The following NFASC variants were observed in gnomAD, a reference collection of about 807,000 sequenced individuals.
NFASC encodes neurofascin, also known as neurofascin homolog.
In NFASC, 43 loss-of-function variants were observed where a neutral mutation model predicts 147.5. The observed-to-expected ratio is 0.29, with a 90% CI of 0.23 to 0.38. The LOEUF is 0.38. NFASC is among the 10% of genes least tolerant of loss of function. The pLI is 1.00. For synonymous variants in NFASC, 622 were observed against 665.5 expected (o/e 0.93, Z 1.01); for missense variants, 1,320 against 1,689.0 (o/e 0.78, Z 3.83).
Position 204,867,732 on chromosome 1 carries a change from C to T in NFASC, c.-200+38950C>T, listed in dbSNP as rs149217622. 5.1e-3 allele frequency among the ~76,000 whole-genome samples: 773 copies of T among 152,292 alleles called. 6 individuals carry two copies. The highest frequency in any genetic ancestry group is 0.018 in the African/African-American group (733 of 41,556). Reference sequence around the variant, plus strand: ...TCCCCAGAGACACACATGCTATCTGCGCACTCATGGTCACACGCTCATGCA... The same window carrying T: ...TCCCCAGAGACACACATGCTATCTGTGCACTCATGGTCACACGCTCATGCA... On this transcript the variant is annotated intron_variant, in intron 1 of 29. Coordinates refer to ENST00000339876, the MANE Select transcript of NFASC (RefSeq NM_001005388.3).
At chr1:204,890,785 G>A (rs2082235066) in intron 1 of NFASC, among the ~76,000 whole-genome samples, 1 of 152,076 alleles carries the variant, frequency 6.6e-6, no homozygotes, top group African/African-American at 2.4e-5. Context: ...GGCCAGGCTG[G>A]TTTCTAACTT....
intron 22 of NFASC, among the ~76,000 whole-genome samples, chr1:204,988,002 A>C (rs1156587267): frequency 2.0e-5 from 3 of 152,234 alleles, no homozygotes; most frequent in Non-Finnish European, 2.9e-5. Context: ...GGTGACCCGA[A>C]TCAGGAGCCT....
At chr1:204,908,769 A>G (rs1200302559) in intron 1 of NFASC, among the ~76,000 whole-genome samples, 1 of 152,152 alleles carries the variant, frequency 6.6e-6, no homozygotes, top group Admixed American at 6.6e-5. Flanking sequence ...CATTTCTCCT[A>G]TATAAATATA....
In NFASC at chr1:204,979,471, CAACT is replaced by C; in HGVS notation, c.2090_2093del (p.Asn697ThrfsTer37). ...CCGTCCTCCGGCTGTCCCCGTATGT[CAACT>C]ACCAGTTCCGTGTCATTGCCATCAA... On this transcript the variant is annotated frameshift_variant, in exon 19 of 30. Coordinates refer to ENST00000339876, the MANE Select transcript of NFASC (RefSeq NM_001005388.3). LOFTEE classifies it high-confidence loss of function. The surrounding 1 kb of genome is among the most constrained non-coding windows in gnomAD (Gnocchi z 6.0). 1 of 1,614,030 alleles carries C rather than the reference CAACT, an allele frequency of 6.2e-7. No homozygotes were observed. Among genetic ancestry groups the C allele is most frequent in the Non-Finnish European group, 8.5e-7 (1 of 1,180,030 alleles).
At chr1:204,955,542 A>C (rs925677454) in intron 7 of NFASC, among the ~76,000 whole-genome samples, 1 of 152,228 alleles carries the variant, frequency 6.6e-6, no homozygotes, top group South Asian at 2.1e-4. Context: ...GGGTATCTGC[A>C]GCAGGGACAG....
chr1:204,877,663 T>A (rs1037793662), intron 1 of NFASC, among the ~76,000 whole-genome samples: 1 of 152,126 alleles, frequency 6.6e-6, no homozygotes, highest in African/African-American at 2.4e-5. Flanking sequence ...TAGGCTTCTG[T>A]TTTTATTTAT....
chr1:204,992,761 G>A (rs1255645172), intron 24 of NFASC, among the ~76,000 whole-genome samples: 1 of 152,180 alleles, frequency 6.6e-6, no homozygotes, highest in Non-Finnish European at 1.5e-5. Context: ...CCCTGTTCTG[G>A]CACCCTGGGA....
chr1:204,846,952 CGTGT>C lies in NFASC; in HGVS notation c.-200+18194_-200+18197del, dbSNP rs917596959. Among the ~76,000 whole-genome samples, 184 of 124,584 alleles carry C rather than the reference CGTGT, an allele frequency of 1.5e-3. 1 individual carries two copies. The highest frequency in any genetic ancestry group is 4.0e-3 in the South Asian group (16 of 3,964). 81.7% of individuals were successfully genotyped at this position (124,584 alleles called of 152,430 possible). A position where few individuals can be genotyped will look rare whatever the true frequency, so the allele number is the denominator to read the frequency against. ...AGACTGCTGCCTGTGTGTGTGTACG[CGTGT>C]GTGTGTGTGTGTGTGTGTGTGTGGT... is the stretch of plus-strand genomic sequence containing the variant. On this transcript the variant is annotated intron_variant, in intron 1 of 29. Coordinates refer to ENST00000339876, the MANE Select transcript of NFASC (RefSeq NM_001005388.3).
intron 1 of NFASC, among the ~76,000 whole-genome samples, chr1:204,877,695 T>A (rs1244655647): frequency 6.6e-6 from 1 of 152,234 alleles, no homozygotes; most frequent in Non-Finnish European, 1.5e-5. Flanking sequence ...ACATTTTGTT[T>A]ATCCATTTAT....
At chr1:204,967,215 TC>T (rs1302693607) in intron 8 of NFASC, among the ~76,000 whole-genome samples, 1 of 152,192 alleles carries the variant, frequency 6.6e-6, no homozygotes, top group Non-Finnish European at 1.5e-5. Flanking sequence ...CTATGTACGA[TC>T]GTACACCTTG....
intron 8 of NFASC, among the ~76,000 whole-genome samples, chr1:204,960,237 A>G (rs1244268460): frequency 1.3e-5 from 2 of 152,222 alleles, no homozygotes; most frequent in African/African-American, 4.8e-5. Flanking sequence ...AAATCTCATC[A>G]TGTCCCATTT....
In NFASC at chr1:204,988,627, C is replaced by T. The variant is rs2095662136; in HGVS notation, c.2594-6C>T. ...AGTTTAATTCCACTTACCTCTCTCTCCCCAGTTAACGGGACCAAAGTAGGA... is the reference window on the plus strand; with the variant it reads ...AGTTTAATTCCACTTACCTCTCTCTTCCCAGTTAACGGGACCAAAGTAGGA... On this transcript the variant is annotated splice_region_variant and splice_polypyrimidine_tract_variant and intron_variant, in intron 22 of 29. Coordinates refer to ENST00000339876, the MANE Select transcript of NFASC (RefSeq NM_001005388.3). 1 of 1,613,588 alleles carries T rather than the reference C, an allele frequency of 6.2e-7. No individual in the cohort carries two copies. Among genetic ancestry groups the T allele is most frequent in the Non-Finnish European group, 8.5e-7 (1 of 1,179,476 alleles).
At chr1:204,993,396 T>C (rs1041055974) in intron 24 of NFASC, among the ~76,000 whole-genome samples, 1 of 152,206 alleles carries the variant, frequency 6.6e-6, no homozygotes. Context: ...CTGCAAATGT[T>C]TGGTGGGCTC....
At chr1:204,851,243 A>G (rs563068272) in intron 1 of NFASC, among the ~76,000 whole-genome samples, 1 of 152,346 alleles carries the variant, frequency 6.6e-6, no homozygotes, top group South Asian at 2.1e-4. Flanking sequence ...TTTAAACCTT[A>G]ACATTTGATG....
intron 1 of NFASC, among the ~76,000 whole-genome samples, chr1:204,904,083 C>T (rs571348112): frequency 5.3e-5 from 8 of 152,176 alleles, no homozygotes; most frequent in Non-Finnish European, 1.2e-4. Context: ...TCTTCTTCTT[C>T]GAGTTTTTCG....
chr1:204,852,733 C>A (rs1316319076), intron 1 of NFASC, among the ~76,000 whole-genome samples: 1 of 152,192 alleles, frequency 6.6e-6, no homozygotes, highest in East Asian at 1.9e-4. Context: ...AAGTTCAGTC[C>A]ATAGATGGGT....
chr1:204,952,457 TC>T (rs144558490), intron 5 of NFASC, among the ~76,000 whole-genome samples: 21,839 of 152,168 alleles, frequency 0.14, 1,976 homozygotes, highest in African/African-American at 0.26. Flanking sequence ...CTTGAGTCTT[TC>T]ATTCTGAGCT....
intron 1 of NFASC, chr1:204,871,218 G>A (rs192449090): frequency 1.4e-5 from 11 of 762,814 alleles, no homozygotes; most frequent in Admixed American, 1.2e-4. Flanking sequence ...CACAAGGGCT[G>A]CAAGAATCTT....
At chr1:204,860,771 C>A (rs2076592012) in intron 1 of NFASC, among the ~76,000 whole-genome samples, 1 of 152,170 alleles carries the variant, frequency 6.6e-6, no homozygotes, top group Non-Finnish European at 1.5e-5. Context: ...CCCTGGCAAT[C>A]ATTAATCAGT....
Sources: allele counts gnomAD v4.1 joint callset (sites outside exome capture counted in the v4.1 genomes callset), GRCh38; gene constraint gnomAD v4.1.1; non-coding constraint Gnocchi (gnomAD v3.1); transcripts MANE v1.5; gene names NCBI Gene and HGNC (gene_info 2026-07-23, HGNC 2026-07-21).